The following TBL1X variants were observed in gnomAD, a reference collection of about 807,000 sequenced individuals.
TBL1X encodes transducin beta like 1 X-linked.
Under a neutral mutation model 50.7 loss-of-function variants are expected in TBL1X, and 10 were observed. The ratio of observed to expected loss-of-function variants is 0.20; its 90% CI spans 0.12 to 0.33. The LOEUF is 0.33. TBL1X is among the 10% of genes least tolerant of loss of function. TBL1X has a pLI of 1.00. For synonymous variants in TBL1X, 190 were observed against 214.7 expected (o/e 0.88, Z 1.01); for missense variants, 340 against 504.4 (o/e 0.67, Z 3.12).
intron 12 of TBL1X, among the ~76,000 whole-genome samples, chrX:9,703,338 C>T (rs765117599): frequency 2.4e-5 from 2 of 83,258 alleles, no homozygotes; most frequent in Non-Finnish European, 4.8e-5. Flanking sequence ...CCAGAGAAGC[C>T]GCCTCTTCCC....
At chrX:9,501,165 A>G (rs759674474) in intron 1 of TBL1X, among the ~76,000 whole-genome samples, 1 of 112,125 alleles carries the variant, frequency 8.9e-6, no homozygotes, top group Non-Finnish European at 1.9e-5. Flanking sequence ...AGGGTCAAGT[A>G]CAAGGACTTT....
intron 12 of TBL1X, among the ~76,000 whole-genome samples, chrX:9,700,885 G>GA (rs2083166457): frequency 8.9e-6 from 1 of 111,827 alleles, no homozygotes; most frequent in Admixed American, 9.5e-5. Flanking sequence ...TTTGCCGAGT[G>GA]ACAAAAGCCA....
chrX:9,699,892 C>T (rs151049739), intron 12 of TBL1X, among the ~76,000 whole-genome samples: 1,172 of 111,654 alleles, frequency 0.01, 7 homozygotes, highest in African/African-American at 0.036. Flanking sequence ...AAATTTGTTA[C>T]TGGTGTTGCT....
intron 3 of TBL1X, among the ~76,000 whole-genome samples, chrX:9,647,095 A>G (rs1320826670): frequency 1.8e-5 from 2 of 111,967 alleles, no homozygotes; most frequent in Admixed American, 1.9e-4. Context: ...TACATACTCA[A>G]TGAAATGAAA....
At chrX:9,710,016 A>T (rs1365090592) in intron 15 of TBL1X, among the ~76,000 whole-genome samples, 1 of 111,402 alleles carries the variant, frequency 9.0e-6, no homozygotes, top group Non-Finnish European at 1.9e-5. Flanking sequence ...CTTGAGCCCA[A>T]GAGTTCAACA....
intron 3 of TBL1X, among the ~76,000 whole-genome samples, chrX:9,653,031 G>T (rs1339238370): frequency 9.0e-6 from 1 of 111,202 alleles, no homozygotes; most frequent in Non-Finnish European, 1.9e-5. Flanking sequence ...CGGGCGTATT[G>T]GCGGGCGCCT....
chrX:9,519,737 G>A (rs1170018271), intron 2 of TBL1X, among the ~76,000 whole-genome samples: 1 of 111,847 alleles, frequency 8.9e-6, no homozygotes, highest in African/African-American at 3.3e-5. Context: ...GACTTCTCCA[G>A]GCATTCAGCT....
At chrX:9,653,721 G>C (rs1377427481) in intron 4 of TBL1X, 32 bp downstream of exon 4, 3 of 1,138,320 alleles carry the variant, frequency 2.6e-6, no homozygotes, top group South Asian at 1.9e-5. Flanking sequence ...CCAGGACCGT[G>C]TGGTCACTCT....
At chrX:9,588,563 C>G (rs5979129) in intron 2 of TBL1X, among the ~76,000 whole-genome samples, 2,766 of 110,046 alleles carry the variant, frequency 0.025, 81 homozygotes, top group African/African-American at 0.086. Context: ...GTCTCTCTCT[C>G]TAACATTTTG....
At chrX:9,464,091 G>T (rs2081753731), upstream of TBL1X, among the ~76,000 whole-genome samples, 1 of 111,426 alleles carries the variant, frequency 9.0e-6, no homozygotes, top group East Asian at 2.8e-4. Context: ...TATTCAACGA[G>T]GCTGACCCCA....
At chrX:9,713,426 CTT>C (rs1159464236) in intron 16 of TBL1X, among the ~76,000 whole-genome samples, 5 of 78,491 alleles carry the variant, frequency 6.4e-5, no homozygotes, top group African/African-American at 1.6e-4. Flanking sequence ...TAGGACTTTT[CTT>C]TTTTTTTTTT....
At chrX:9,608,955 CCA>C (rs1416773008) in intron 2 of TBL1X, among the ~76,000 whole-genome samples, 4 of 111,405 alleles carry the variant, frequency 3.6e-5, no homozygotes, top group African/African-American at 1.3e-4. Context: ...CAGATATCAG[CCA>C]TAAATATTTA....
chrX:9,465,322 C>T lies in TBL1X; in HGVS notation c.-326C>T, dbSNP rs1329006099. On this transcript the variant is annotated 5_prime_UTR_variant, in exon 1 of 18. Transcript: ENST00000645353. ...GGGGCGGCCCGGGGGCGGCGCGCGG[C>T]TGCTCCGGGGCGCCGGGCCCTCTTC... 1 of 108,280 alleles carries T rather than the reference C, an allele frequency of 9.2e-6. No homozygotes were observed. The highest frequency in any genetic ancestry group is 1.9e-5 in the Non-Finnish European group (1 of 51,348). The allele number at this position is 108,280 out of a possible 1,213,427, so 8.9% of individuals were successfully genotyped here.
At chrX:9,640,854 G>A (rs746758829) in intron 3 of TBL1X, among the ~76,000 whole-genome samples, 5 of 111,415 alleles carry the variant, frequency 4.5e-5, no homozygotes, top group South Asian at 7.7e-4. Context: ...GGCTGGTCTC[G>A]AACTGAGCTC....
At chrX:9,536,011 G>A (rs1391485430) in intron 2 of TBL1X, among the ~76,000 whole-genome samples, 2 of 111,600 alleles carry the variant, frequency 1.8e-5, no homozygotes, top group Non-Finnish European at 1.9e-5. Context: ...TGTGGGCTGC[G>A]GCACATGAAT....
intron 1 of TBL1X, among the ~76,000 whole-genome samples, chrX:9,487,849 A>T (rs1287545165): frequency 9.0e-6 from 1 of 110,675 alleles, no homozygotes; most frequent in Admixed American, 9.7e-5. Flanking sequence ...CATTTCCCAA[A>T]GGGGTTGTGT....
intron 2 of TBL1X, among the ~76,000 whole-genome samples, chrX:9,608,452 A>G (rs2082595179): frequency 8.9e-6 from 1 of 112,130 alleles, no homozygotes; most frequent in South Asian, 3.7e-4. Flanking sequence ...TAGAAGGAGT[A>G]GGATTTTTCT....
At chrX:9,532,916 T>C (rs147532727) in intron 2 of TBL1X, among the ~76,000 whole-genome samples, 1 of 111,423 alleles carries the variant, frequency 9.0e-6, no homozygotes, top group East Asian at 2.8e-4. Flanking sequence ...GGATGTAATA[T>C]GCCTAATGTC....
At chrX:9,701,264 C>T (rs1427540156) in intron 12 of TBL1X, among the ~76,000 whole-genome samples, 1 of 110,745 alleles carries the variant, frequency 9.0e-6, no homozygotes, top group East Asian at 2.8e-4. Flanking sequence ...CTAAGTATTT[C>T]AAAAGGAAAC....
Sources: allele counts gnomAD v4.1 joint callset (sites outside exome capture counted in the v4.1 genomes callset), GRCh38; gene constraint gnomAD v4.1.1; transcripts MANE v1.5; gene names NCBI Gene and HGNC (gene_info 2026-07-23, HGNC 2026-07-21).